EDARADD: variants seen among roughly 807,000 people sequenced by gnomAD.
EDARADD encodes the protein ectodysplasin-A receptor-associated adapter protein.
A neutral mutation model predicts 25.6 loss-of-function variants in EDARADD; 20 were observed. The ratio of observed to expected loss-of-function variants is 0.78; its 90% CI spans 0.55 to 1.14. The LOEUF (loss-of-function observed/expected upper bound fraction) is 1.14, where lower values mean the gene tolerates loss of function less well. Ranked by LOEUF, EDARADD falls within the 50% of genes most tolerant of loss-of-function variation. The probability of loss-of-function intolerance (pLI) is 0.00; values close to 1 mark genes in which losing one functional copy is unlikely to be tolerated. For missense variants in EDARADD, 225 were observed against 270.1 expected (o/e 0.83, Z 1.17); for synonymous variants, 86 against 94.4 (o/e 0.91, Z 0.52).
At chr1:236,457,408 G>A (rs777183490) in intron 4 of EDARADD, among the ~76,000 whole-genome samples, 9 of 151,472 alleles carry the variant, frequency 5.9e-5, no homozygotes, top group East Asian at 3.9e-4. Context: ...GCAGCTACTC[G>A]GGAGACTGAG....
intron 3 of EDARADD, among the ~76,000 whole-genome samples, chr1:236,351,779 A>G (rs1666917864): frequency 6.6e-6 from 1 of 152,018 alleles, no homozygotes. Context: ...TGAAAAGTAT[A>G]CACTCAAGAA....
chr1:236,364,225 T>G (rs1338389394), intron 3 of EDARADD, among the ~76,000 whole-genome samples: 1 of 152,244 alleles, frequency 6.6e-6, no homozygotes, highest in Non-Finnish European at 1.5e-5. Flanking sequence ...GTTTTCATTT[T>G]ATAGCAATGC....
At chr1:236,397,183 G>C (rs961459201) in intron 1 of EDARADD, among the ~76,000 whole-genome samples, 2 of 152,122 alleles carry the variant, frequency 1.3e-5, no homozygotes, top group Non-Finnish European at 2.9e-5. Context: ...GCTGAGGCAA[G>C]AGGATTGCTT....
chr1:236,383,967 C>T (rs901759870), intron 3 of EDARADD, among the ~76,000 whole-genome samples: 1 of 152,132 alleles, frequency 6.6e-6, no homozygotes, highest in Non-Finnish European at 1.5e-5. Context: ...TGTGCCACTG[C>T]ACTCTAGCCT....
chr1:236,431,898 G>A lies in EDARADD; in HGVS notation c.219+4448G>A, dbSNP rs1462146281. Reference sequence around the variant, plus strand: ...ATTGCGCCACTGCAGTCCGCAGTCCGACCTGGGCGACAGAGCGAGACTCCG... The same window carrying A: ...ATTGCGCCACTGCAGTCCGCAGTCCAACCTGGGCGACAGAGCGAGACTCCG... On this transcript the variant is annotated intron_variant, in intron 4 of 5. Transcript: ENST00000334232. 7.0e-4 allele frequency among the ~76,000 whole-genome samples: 29 copies of A among 41,592 alleles called. 3 individuals are homozygous for A. The highest frequency in any genetic ancestry group is 1.3e-3 in the Admixed American group (4 of 3,170). 27.3% of individuals were successfully genotyped at this position (41,592 alleles called of 152,430 possible).
At chr1:236,400,843 A>T (rs1667601348) in intron 1 of EDARADD, among the ~76,000 whole-genome samples, 1 of 150,924 alleles carries the variant, frequency 6.6e-6, no homozygotes, top group Non-Finnish European at 1.5e-5. Flanking sequence ...TATAGGAGTG[A>T]GCCACCACAC....
At chr1:236,369,864 ATTG>A (rs986015667) in intron 3 of EDARADD, among the ~76,000 whole-genome samples, 27 of 151,680 alleles carry the variant, frequency 1.8e-4, no homozygotes, top group African/African-American at 3.6e-4. Context: ...GCAAAAAAAA[ATTG>A]TTATCATATT....
At chr1:236,405,781 CTTTCTTTCTTTTCT>C (rs1558112455) in intron 1 of EDARADD, among the ~76,000 whole-genome samples, 2,937 of 62,730 alleles carry the variant, frequency 0.047, 134 homozygotes, top group Non-Finnish European at 0.073. Flanking sequence ...TTCTTTCTTT[CTTTCTTTCTTTTCT>C]TTTTCTTTCT....
intron 1 of EDARADD, among the ~76,000 whole-genome samples, chr1:236,394,767 C>T (rs1251103533): frequency 6.6e-6 from 1 of 152,178 alleles, no homozygotes; most frequent in Non-Finnish European, 1.5e-5. Context: ...TAAAATGTAG[C>T]AATCTTAAAT....
intron 3 of EDARADD, among the ~76,000 whole-genome samples, chr1:236,385,569 C>G (rs1196478378): frequency 6.6e-6 from 1 of 151,376 alleles, no homozygotes; most frequent in Admixed American, 6.6e-5. Flanking sequence ...ACTAAAAATA[C>G]AAAAATTAGT....
At position 236,437,882 on chromosome 1, in the gene EDARADD, G is replaced by A. The variant is rs1246976803; in HGVS notation, c.219+10432G>A. 2.0e-5 allele frequency among the ~76,000 whole-genome samples: 3 copies of A among 151,800 alleles called. No individual in the cohort carries two copies. The East Asian group carries it at 5.8e-4, about 29-fold the overall frequency. On this transcript the variant is annotated intron_variant, in intron 4 of 5. Transcript: ENST00000334232. The stretch of plus-strand genomic sequence containing the variant: ...TCCCGCCTCAGCCTTCTGAGCAGCT[G>A]GGATCACAGGCACCCACCATCATGC...
At position 236,430,910 on chromosome 1, in the gene EDARADD, G is replaced by GT. The variant is rs371304165; in HGVS notation, c.219+3463dup. ...AGGCAGGTGGATCACGAGGTCAGGA[G>GT]TTTAAGACCAGCCTGGCCAAGATGG... On this transcript the variant is annotated intron_variant, in intron 4 of 5. Coordinates refer to ENST00000334232, the MANE Select transcript of EDARADD (RefSeq NM_145861.4). 9.1e-4 allele frequency among the ~76,000 whole-genome samples: 139 copies of GT among 152,296 alleles called. 1 individual carries two copies. The highest frequency in any genetic ancestry group is 3.4e-3 in the Middle Eastern group (1 of 294).
intron 1 of EDARADD, among the ~76,000 whole-genome samples, chr1:236,348,547 C>T (rs554936010): frequency 9.5e-4 from 145 of 152,362 alleles, no homozygotes; most frequent in Non-Finnish European, 1.8e-3. Flanking sequence ...TCACCCTGCA[C>T]AGCCTTGATT....
chr1:236,447,210 TTCTTTCTTTCTTTCC>T (rs1658577377), intron 4 of EDARADD, among the ~76,000 whole-genome samples: 1 of 37,672 alleles, frequency 2.7e-5, no homozygotes, highest in African/African-American at 7.3e-5. Context: ...CTTTCTTTCT[TTCTTTCTTTCTTTCC>T]TTTCTTTCCT....
Position 236,460,978 on chromosome 1 carries a change from T to C in EDARADD, c.220-7253T>C, listed in dbSNP as rs142005315. On this transcript the variant is annotated intron_variant, in intron 4 of 5. Transcript: ENST00000334232. ...CTGCGATTACAGGCACCTGCCACCATGCCCGGCTAATTTTTGTATTTTTAG... is the reference window on the plus strand; with the variant it reads ...CTGCGATTACAGGCACCTGCCACCACGCCCGGCTAATTTTTGTATTTTTAG... Among the ~76,000 whole-genome samples, 1,322 of 152,196 alleles carry C rather than the reference T, an allele frequency of 8.7e-3. 31 individuals are homozygous for C. Among genetic ancestry groups the C allele is most frequent in the African/African-American group, 0.03 (1,253 of 41,532 alleles).
In EDARADD at chr1:236,428,446, C is replaced by T. The variant is rs186392852; in HGVS notation, c.219+996C>T. ...TTCACCCCTTTCTATTCGACAAAAC[C>T]GCCATCGTCATCATGGCCTGTTCTC... On this transcript the variant is annotated intron_variant, in intron 4 of 5. Coordinates refer to ENST00000334232, the MANE Select transcript of EDARADD (RefSeq NM_145861.4). Among the ~76,000 whole-genome samples, 683 of 152,256 alleles carry T rather than the reference C, an allele frequency of 4.5e-3. 1 individual carries two copies. The highest frequency in any genetic ancestry group is 6.8e-3 in the Middle Eastern group (2 of 294).
intron 2 of EDARADD, among the ~76,000 whole-genome samples, chr1:236,412,055 C>T (rs557316080): frequency 1.3e-5 from 2 of 152,296 alleles, no homozygotes; most frequent in African/African-American, 2.4e-5. Context: ...GTATATACCC[C>T]TTGACATGGG....
intron 5 of EDARADD, among the ~76,000 whole-genome samples, chr1:236,480,123 A>ATATATG: frequency 8.9e-6 from 1 of 112,568 alleles, no homozygotes; most frequent in African/African-American, 3.2e-5. Flanking sequence ...ATATATATAT[A>ATATATG]TATATATATA....
intron 4 of EDARADD, among the ~76,000 whole-genome samples, chr1:236,433,180 A>G (rs1009033027): frequency 9.9e-5 from 15 of 151,988 alleles, no homozygotes; most frequent in Non-Finnish European, 5.9e-5. Flanking sequence ...TGAAAGGCGC[A>G]TCGCCCATTC....
Sources: allele counts gnomAD v4.1 joint callset (sites outside exome capture counted in the v4.1 genomes callset), GRCh38; gene constraint gnomAD v4.1.1; transcripts MANE v1.5; gene names NCBI Gene and HGNC (gene_info 2026-07-23, HGNC 2026-07-21).